VKORC1L1: variants seen among roughly 807,000 people sequenced by gnomAD.
The protein encoded by VKORC1L1 is vitamin K epoxide reductase complex subunit 1L1.
A neutral mutation model predicts 18.9 loss-of-function variants in VKORC1L1; 2 were observed. The ratio of observed to expected loss-of-function variants is 0.11; its 90% CI spans 0.04 to 0.33. The LOEUF is 0.33. Among genes scored for constraint, VKORC1L1 ranks in the 10% least tolerant of loss-of-function variants. VKORC1L1 has a pLI of 1.00. For missense variants in VKORC1L1, 123 were observed against 224.1 expected (o/e 0.55, Z 2.88); for synonymous variants, 96 against 100.0 (o/e 0.96, Z 0.24).
At chr7:65,880,906 G>GT (rs1300710496) in intron 1 of VKORC1L1, among the ~76,000 whole-genome samples, 1 of 152,128 alleles carries the variant, frequency 6.6e-6, no homozygotes, top group East Asian at 1.9e-4. Context: ...TAAAGTTATT[G>GT]TACAGGTTGA....
intron 1 of VKORC1L1, among the ~76,000 whole-genome samples, chr7:65,909,278 G>A (rs984017196): frequency 2.6e-5 from 4 of 151,228 alleles, no homozygotes; most frequent in East Asian, 4.0e-4. Context: ...CACCGTGCCC[G>A]GGCACAGCAT....
chr7:65,920,014 G>GT (rs974749410), intron 1 of VKORC1L1, among the ~76,000 whole-genome samples: 11 of 151,830 alleles, frequency 7.2e-5, no homozygotes, highest in East Asian at 1.9e-4. Flanking sequence ...TTGCCCTGGT[G>GT]TTTTTTTTCT....
intron 1 of VKORC1L1, among the ~76,000 whole-genome samples, chr7:65,884,032 T>C (rs1380798992): frequency 6.6e-6 from 1 of 152,174 alleles, no homozygotes; most frequent in Non-Finnish European, 1.5e-5. Flanking sequence ...GGAATTAAAG[T>C]AGACAGTATA....
intron 1 of VKORC1L1, among the ~76,000 whole-genome samples, chr7:65,881,008 A>AAAGT (rs1788919752): frequency 6.6e-6 from 1 of 152,154 alleles, no homozygotes; most frequent in South Asian, 2.1e-4. Flanking sequence ...ATTTTGGACC[A>AAAGT]TTTCAGATTT....
chr7:65,954,490 A>G lies in VKORC1L1; in HGVS notation c.*190A>G. 1.0e-6 allele frequency: 1 copy of G among 993,862 alleles called. No homozygotes were observed. The highest frequency in any genetic ancestry group is 1.4e-6 in the Non-Finnish European group (1 of 722,232). The allele number at this position is 993,862 out of a possible 1,614,324, so 61.6% of individuals were successfully genotyped here. A position where few individuals can be genotyped will look rare whatever the true frequency, so the allele number is the denominator to read the frequency against. On this transcript the variant is annotated 3_prime_UTR_variant, in exon 3 of 3. Transcript: ENST00000360768. ...ATTTTCTGTGTCAGTCTTCATTTTA[A>G]ATATGGATACAAAAAGGATACGCCG...
chr7:65,893,603 A>G lies in VKORC1L1; in HGVS notation c.194+20038A>G, dbSNP rs75358567. Among the ~76,000 whole-genome samples the G allele has an allele frequency of 9.8e-3, 1,494 of 152,058 alleles. 13 individuals carry two copies. The highest frequency in any genetic ancestry group is 0.017 in the Non-Finnish European group (1,173 of 67,946). On this transcript the variant is annotated intron_variant, in intron 1 of 2. Coordinates refer to ENST00000360768, the MANE Select transcript of VKORC1L1 (RefSeq NM_173517.6). ...TAATTTCTAATGTGATAAATATAAT[A>G]GGTATGTGCCACTGCACTCCAGCCT...
At chr7:65,943,646 A>G (rs972850927) in intron 1 of VKORC1L1, among the ~76,000 whole-genome samples, 4 of 152,012 alleles carry the variant, frequency 2.6e-5, no homozygotes, top group African/African-American at 9.7e-5. Flanking sequence ...ATGCAAAAAA[A>G]TTAGGTGGGG....
intron 1 of VKORC1L1, among the ~76,000 whole-genome samples, chr7:65,916,601 C>CTT (rs869187039): frequency 1.3e-4 from 18 of 143,586 alleles, no homozygotes; most frequent in African/African-American, 4.1e-4. Context: ...TAGGAAACAT[C>CTT]TTTTTTTTTT....
chr7:65,928,500 C>G (rs573751603), intron 1 of VKORC1L1, among the ~76,000 whole-genome samples: 8 of 152,228 alleles, frequency 5.3e-5, no homozygotes, highest in African/African-American at 1.7e-4. Context: ...GAATTTTATA[C>G]TGTCTAGTCT....
chr7:65,875,115 T>A (rs1788804106), intron 1 of VKORC1L1, among the ~76,000 whole-genome samples: 1 of 152,160 alleles, frequency 6.6e-6, no homozygotes, highest in Non-Finnish European at 1.5e-5. Context: ...AAAAATAAGA[T>A]TTGCTAATAA....
At chr7:65,903,271 A>T (rs1343448647) in intron 1 of VKORC1L1, among the ~76,000 whole-genome samples, 1 of 150,512 alleles carries the variant, frequency 6.6e-6, no homozygotes, top group East Asian at 2.0e-4. Flanking sequence ...GGATCAAGTG[A>T]TTCTCCTGCC....
At chr7:65,911,462 C>T (rs1346153984) in intron 1 of VKORC1L1, among the ~76,000 whole-genome samples, 10 of 152,166 alleles carry the variant, frequency 6.6e-5, no homozygotes, top group African/African-American at 2.4e-4. Flanking sequence ...ACATGTCATG[C>T]CATATACACC....
intron 1 of VKORC1L1, among the ~76,000 whole-genome samples, chr7:65,883,896 T>C (rs73370611): frequency 7.9e-5 from 12 of 152,352 alleles, no homozygotes; most frequent in African/African-American, 2.9e-4. Flanking sequence ...ATAAGTTTTA[T>C]TTTGTAGTTA....
chr7:65,878,810 A>G (rs1210556323), intron 1 of VKORC1L1, among the ~76,000 whole-genome samples: 1 of 152,126 alleles, frequency 6.6e-6, no homozygotes, highest in Admixed American at 6.5e-5. Flanking sequence ...AGAGGGGCTG[A>G]GGCAGGAGAA....
chr7:65,886,358 G>A (rs1326913063), intron 1 of VKORC1L1, among the ~76,000 whole-genome samples: 1 of 151,938 alleles, frequency 6.6e-6, no homozygotes. Flanking sequence ...AGTTTCTGAG[G>A]GTACACATTA....
At chr7:65,917,720 A>G (rs536626716) in intron 1 of VKORC1L1, among the ~76,000 whole-genome samples, 9 of 152,346 alleles carry the variant, frequency 5.9e-5, no homozygotes, top group Middle Eastern at 3.4e-3. Flanking sequence ...ATCCATCACT[A>G]AAAACTTTCT....
intron 1 of VKORC1L1, among the ~76,000 whole-genome samples, chr7:65,913,533 C>T (rs1399088820): frequency 1.3e-5 from 2 of 151,866 alleles, no homozygotes; most frequent in African/African-American, 2.4e-5. Context: ...TGAGACCAGC[C>T]TGGCCAATGT....
chr7:65,911,822 T>G (rs1374643061), intron 1 of VKORC1L1, among the ~76,000 whole-genome samples: 1 of 152,216 alleles, frequency 6.6e-6, no homozygotes, highest in Non-Finnish European at 1.5e-5. Context: ...CACTGGTTTG[T>G]GGTTTTGCTC....
chr7:65,896,885 G>A (rs958164865), intron 1 of VKORC1L1, among the ~76,000 whole-genome samples: 7 of 152,024 alleles, frequency 4.6e-5, no homozygotes, highest in Admixed American at 6.6e-5. Context: ...TGTAATCCCA[G>A]CTACTTGGGA....
Sources: allele counts gnomAD v4.1 joint callset (sites outside exome capture counted in the v4.1 genomes callset), GRCh38; gene constraint gnomAD v4.1.1; transcripts MANE v1.5; gene names NCBI Gene and HGNC (gene_info 2026-07-23, HGNC 2026-07-21).